Variants in ABCC11 observed in about 807,000 individuals in gnomAD.
ABCC11 encodes the protein ATP binding cassette subfamily C member 11, also known as ATP-binding cassette sub-family C member 11.
A neutral mutation model predicts 149.3 loss-of-function variants in ABCC11; 135 were observed. The ratio of observed to expected loss-of-function variants is 0.90; its 90% CI spans 0.79 to 1.04. ABCC11 has a LOEUF of 1.04. Ranked by LOEUF, ABCC11 falls within the 50% of genes least tolerant of loss-of-function variation. The pLI, the probability that ABCC11 is intolerant of heterozygous loss-of-function variation, is 0.00. For synonymous variants in ABCC11, 665 were observed against 671.4 expected (o/e 0.99, Z 0.15); for missense variants, 1,680 against 1,722.1 (o/e 0.98, Z 0.43).
At chr16:48,244,929 C>T (rs1971272612) in intron 1 of ABCC11, among the ~76,000 whole-genome samples, 2 of 152,150 alleles carry the variant, frequency 1.3e-5, no homozygotes, top group East Asian at 3.9e-4. Flanking sequence ...CTTCAGCCTC[C>T]TAGGCCAGTG....
At chr16:48,174,743 A>G (rs1185739834) in intron 26 of ABCC11, among the ~76,000 whole-genome samples, 1 of 152,196 alleles carries the variant, frequency 6.6e-6, no homozygotes, top group African/African-American at 2.4e-5. Flanking sequence ...TGGTAGCCTG[A>G]GTGCAAATGC....
intron 13 of ABCC11, among the ~76,000 whole-genome samples, chr16:48,204,923 C>T (rs77863287): frequency 0.018 from 2,720 of 152,244 alleles, 101 homozygotes; most frequent in African/African-American, 0.063. Context: ...CTTGGGAGAT[C>T]CACGGGGCCA....
intron 25 of ABCC11, among the ~76,000 whole-genome samples, chr16:48,176,647 C>T (rs1966091069): frequency 6.6e-6 from 1 of 152,186 alleles, no homozygotes; most frequent in Non-Finnish European, 1.5e-5. Context: ...CCCCATTATT[C>T]TGCATACCAC....
chr16:48,240,879 C>A (rs1256430983), intron 1 of ABCC11, among the ~76,000 whole-genome samples: 1 of 151,998 alleles, frequency 6.6e-6, no homozygotes, highest in Non-Finnish European at 1.5e-5. Flanking sequence ...AGTCAAGATT[C>A]AAATCGTCAT....
At chr16:48,171,537 T>G (rs143474761) in intron 26 of ABCC11, among the ~76,000 whole-genome samples, 1 of 152,382 alleles carries the variant, frequency 6.6e-6, no homozygotes, top group Non-Finnish European at 1.5e-5. Flanking sequence ...CTTAAGCCAT[T>G]TGGGTTTTGT....
intron 23 of ABCC11, among the ~76,000 whole-genome samples, chr16:48,179,044 T>G (rs751209303): frequency 5.9e-5 from 9 of 152,182 alleles, no homozygotes; most frequent in Non-Finnish European, 1.2e-4. Context: ...GAACTTTGAC[T>G]GATGGGGAAC....
intron 6 of ABCC11, among the ~76,000 whole-genome samples, chr16:48,217,432 T>C (rs1434832053): frequency 6.6e-6 from 1 of 151,852 alleles, no homozygotes; most frequent in Non-Finnish European, 1.5e-5. Context: ...CCCGTCTCTA[T>C]AAAAAGTAGG....
At position 48,222,571 on chromosome 16, in the gene ABCC11, C is replaced by T. The variant is rs778106209; in HGVS notation, c.777+27G>A. ...CGGAGGAAGGGTAGGGAAGCATGGC[C>T]CAGAATAGGCAGTCCCAGCTGCTTA... On this transcript the variant is annotated intron_variant, in intron 6 of 29. Coordinates refer to ENST00000356608, the MANE Select transcript of ABCC11 (RefSeq NM_001370497.1). 5 of 1,596,674 alleles carry T rather than the reference C, an allele frequency of 3.1e-6. 1 individual carries two copies. In the South Asian group the frequency reaches 5.5e-5, roughly 18 times the overall value.
chr16:48,196,188 G>A (rs779906697), intron 18 of ABCC11, 44 bp downstream of exon 18: 2 of 1,594,162 alleles, frequency 1.3e-6, no homozygotes, highest in South Asian at 1.1e-5. Context: ...TCCAGGGATA[G>A]GGCTGCTCCA....
chr16:48,229,917 C>T lies in ABCC11; in HGVS notation c.236+520G>A, dbSNP rs191222159. On this transcript the variant is annotated intron_variant, in intron 3 of 29. Coordinates refer to ENST00000356608, the MANE Select transcript of ABCC11 (RefSeq NM_001370497.1). Reference sequence around the variant, plus strand: ...GACACATCATGCTGTGTTCCTTGCCCCTCCAGGCAAGGCTGTCCCACAGGC... The same window carrying T: ...GACACATCATGCTGTGTTCCTTGCCTCTCCAGGCAAGGCTGTCCCACAGGC... Among the ~76,000 whole-genome samples the T allele has an allele frequency of 2.6e-3, 402 of 152,256 alleles. 1 individual carries two copies. Among genetic ancestry groups the T allele is most frequent in the African/African-American group, 9.5e-3 (396 of 41,560 alleles).
At chr16:48,211,309 A>G in intron 10 of ABCC11, 110 bp from the exon 11 acceptor site, 1 of 1,362,384 alleles carries the variant, frequency 7.3e-7, no homozygotes, top group East Asian at 2.3e-5. Context: ...GTGAATTTCT[A>G]ATAAGCAGTA....
chr16:48,184,418 C>T (rs770223499), intron 23 of ABCC11, 22 bp downstream of exon 23: 1 of 1,609,086 alleles, frequency 6.2e-7, no homozygotes, highest in East Asian at 2.2e-5. Context: ...CAGAGAGGGC[C>T]CACACAGAGT....
At chr16:48,197,649 T>C (rs2150807058) in intron 17 of ABCC11, among the ~76,000 whole-genome samples, 2 of 152,346 alleles carry the variant, frequency 1.3e-5, no homozygotes, top group East Asian at 3.9e-4. Context: ...TTGCAGTGTG[T>C]AATGAATGAA....
rs754976644 is a variant in ABCC11, at chr16:48,211,156, A to G, written c.1400T>C (p.Leu467Ser). The change falls in exon 11 of 30, where the codon TTA becomes TCA. Residue 467 changes from leucine (L) to serine (S), a missense_variant. Physicochemically the swap from Leu to Ser is moderately radical, Grantham distance 145. Transcript: ENST00000356608. Reference sequence around the variant, plus strand: ...GACCAGAGCTTTGCTGGGGTCTTGTAATGTCTGGACATAGAAAACAGGGCT... The same window carrying G: ...GACCAGAGCTTTGCTGGGGTCTTGTGATGTCTGGACATAGAAAACAGGGCT... ...QESPVFYVQT[L>S]QDPSKALVFE... The G allele has an allele frequency of 1.9e-6, 3 of 1,614,080 alleles. No individual in the cohort carries two copies. The African/African-American group carries it at 4.0e-5, about 22-fold the overall frequency.
At chr16:48,238,890 T>C (rs1970814428) in intron 1 of ABCC11, among the ~76,000 whole-genome samples, 1 of 126,792 alleles carries the variant, frequency 7.9e-6, no homozygotes, top group African/African-American at 3.1e-5. Flanking sequence ...TGAGCCGAGA[T>C]CTCGCCACTA....
In ABCC11 at chr16:48,231,860, A is replaced by C; in HGVS notation, c.62T>G (p.Ile21Ser). ...NSSGGLVNRG[I>S]DIGDDMVSGL... is the part of the protein sequence containing the mutation. Reference sequence around the variant, plus strand: ...TGAAACCATGTCATCGCCTATGTCGATGCCACGATTCACGAGGCCACCAGA... The same window carrying C: ...TGAAACCATGTCATCGCCTATGTCGCTGCCACGATTCACGAGGCCACCAGA... The change falls in exon 2 of 30, where the codon ATC (isoleucine) becomes AGC (serine). Residue 21 changes from isoleucine to serine, a missense_variant. Ile to Ser is a moderately radical substitution (Grantham distance 142). Coordinates refer to ENST00000356608, the MANE Select transcript of ABCC11 (RefSeq NM_001370497.1). 1 of 1,614,184 alleles carries C rather than the reference A, an allele frequency of 6.2e-7. No homozygotes were observed. Among genetic ancestry groups the C allele is most frequent in the Non-Finnish European group, 8.5e-7 (1 of 1,180,018 alleles).
At chr16:48,236,098 C>T (rs1278158485) in intron 1 of ABCC11, among the ~76,000 whole-genome samples, 2 of 152,158 alleles carry the variant, frequency 1.3e-5, no homozygotes, top group African/African-American at 2.4e-5. Context: ...TCCTGTACCT[C>T]GCCCTGTGCT....
chr16:48,179,591 G>A (rs746027750), intron 23 of ABCC11, among the ~76,000 whole-genome samples: 2 of 152,186 alleles, frequency 1.3e-5, no homozygotes, highest in South Asian at 2.1e-4. Context: ...GTCCCAAAGT[G>A]CAGCAGATGT....
chr16:48,165,345 A>C (rs1231995405), downstream of ABCC11, among the ~76,000 whole-genome samples: 2 of 152,212 alleles, frequency 1.3e-5, no homozygotes, highest in Non-Finnish European at 2.9e-5. Flanking sequence ...CCCTAGAAGG[A>C]GAAGCAGGTG....
Sources: gnomAD v4.1 joint callset for allele counts (sites outside exome capture counted in the v4.1 genomes callset) on GRCh38, gnomAD v4.1.1 for gene constraint, MANE v1.5 for transcripts, NCBI Gene and HGNC (gene_info 2026-07-23, HGNC 2026-07-21) for gene names.